The following SMAD3 variants were observed in gnomAD, a reference collection of about 807,000 sequenced individuals.
SMAD3 encodes SMAD family member 3, also known as MAD homolog 3.
Under a neutral mutation model 51.8 loss-of-function variants are expected in SMAD3, and 12 were observed. The ratio of observed to expected loss-of-function variants is 0.23; its 90% CI spans 0.15 to 0.38. The LOEUF is 0.38. Ranked by LOEUF, SMAD3 falls within the 10% of genes least tolerant of loss-of-function variation. The pLI is 1.00. For synonymous variants in SMAD3, 238 were observed against 227.7 expected (o/e 1.05, Z -0.41); for missense variants, 294 against 565.6 (o/e 0.52, Z 4.87).
chr15:67,161,495 G>A (rs1962430696), intron 1 of SMAD3, among the ~76,000 whole-genome samples: 1 of 152,216 alleles, frequency 6.6e-6, no homozygotes, highest in Non-Finnish European at 1.5e-5. Flanking sequence ...TCTTGCAGAG[G>A]AGGCTATGAT....
At chr15:67,087,745 G>T (rs879373044) in intron 1 of SMAD3, among the ~76,000 whole-genome samples, 16 of 152,164 alleles carry the variant, frequency 1.1e-4, no homozygotes, top group Non-Finnish European at 2.1e-4. Flanking sequence ...AAGGTGGTGG[G>T]GGAGGTGGCA....
At chr15:67,068,362 A>T (rs980128253) in intron 1 of SMAD3, among the ~76,000 whole-genome samples, 31 of 152,164 alleles carry the variant, frequency 2.0e-4, no homozygotes, top group Admixed American at 1.8e-3. Flanking sequence ...GGATCTTTGT[A>T]TGTGCGGTTG....
chr15:67,118,792 T>G (rs1426856735), intron 1 of SMAD3, among the ~76,000 whole-genome samples: 2 of 152,244 alleles, frequency 1.3e-5, no homozygotes, highest in Non-Finnish European at 2.9e-5. Flanking sequence ...CATGGTGCCT[T>G]CCTTGGGAAC....
At chr15:67,130,419 T>G (rs182120750) in intron 1 of SMAD3, among the ~76,000 whole-genome samples, 3 of 152,250 alleles carry the variant, frequency 2.0e-5, no homozygotes, top group Non-Finnish European at 4.4e-5. Context: ...GGTGGGCAAG[T>G]GAGCATTACG....
chr15:67,086,268 T>TA (rs1369077104), intron 1 of SMAD3, among the ~76,000 whole-genome samples: 5 of 152,156 alleles, frequency 3.3e-5, no homozygotes, highest in Non-Finnish European at 5.9e-5. Flanking sequence ...GGGTGTGTGT[T>TA]ACTCCCTGCT....
chr15:67,133,442 G>A (rs1240711298), intron 1 of SMAD3, among the ~76,000 whole-genome samples: 1 of 151,934 alleles, frequency 6.6e-6, no homozygotes, highest in South Asian at 2.1e-4. Context: ...TGGGGGATGG[G>A]CTGCGTTTCT....
At chr15:67,130,113 A>G (rs1047189663) in intron 1 of SMAD3, among the ~76,000 whole-genome samples, 3 of 152,212 alleles carry the variant, frequency 2.0e-5, no homozygotes, top group Admixed American at 2.0e-4. Context: ...GTGCTGTGCT[A>G]GATACTCTAC....
In SMAD3 at chr15:67,183,028, TA is replaced by T. The variant is rs59772632; in HGVS notation, c.871+1576del. Among the ~76,000 whole-genome samples, 170 of 63,844 alleles carry T rather than the reference TA, an allele frequency of 2.7e-3. 3 individuals carry two copies. Among genetic ancestry groups the T allele is most frequent in the East Asian group, 0.024 (42 of 1,756 alleles). 41.9% of individuals were successfully genotyped at this position (63,844 alleles called of 152,430 possible). ...ATATATATATATATATATATATATATATATTTTTTTTTTTTTTTTTTTTGGA... is the reference window on the plus strand; with the variant it reads ...ATATATATATATATATATATATATATTATTTTTTTTTTTTTTTTTTTTGGA... On this transcript the variant is annotated intron_variant, in intron 6 of 8. Coordinates refer to ENST00000327367, the MANE Select transcript of SMAD3 (RefSeq NM_005902.4).
intron 8 of SMAD3, among the ~76,000 whole-genome samples, chr15:67,188,630 G>C (rs924293618): frequency 3.9e-5 from 6 of 152,266 alleles, no homozygotes; most frequent in African/African-American, 1.2e-4. Context: ...CCAGCCGCCA[G>C]CTCCTGCGGC....
intron 1 of SMAD3, among the ~76,000 whole-genome samples, chr15:67,078,795 C>T (rs370196319): frequency 3.3e-5 from 5 of 152,138 alleles, no homozygotes; most frequent in East Asian, 1.9e-4. Flanking sequence ...CAACTTACTG[C>T]GGTGGTGACT....
intron 1 of SMAD3, among the ~76,000 whole-genome samples, chr15:67,122,060 T>A (rs1231664520): frequency 1.3e-5 from 2 of 152,232 alleles, no homozygotes; most frequent in African/African-American, 4.8e-5. Context: ...TCAGCTCATA[T>A]AGAGCAGCAC....
intron 6 of SMAD3, among the ~76,000 whole-genome samples, chr15:67,181,792 T>A (rs908821065): frequency 6.8e-5 from 10 of 146,040 alleles, no homozygotes; most frequent in African/African-American, 2.5e-4. Context: ...GAAATCTATT[T>A]TTTTTTTTTT....
At chr15:67,186,363 G>C (rs1039176931) in intron 7 of SMAD3, among the ~76,000 whole-genome samples, 1 of 152,176 alleles carries the variant, frequency 6.6e-6, no homozygotes, top group African/African-American at 2.4e-5. Flanking sequence ...CCCATCTTTT[G>C]GGTGAGGGCT....
intron 1 of SMAD3, among the ~76,000 whole-genome samples, chr15:67,103,590 C>T (rs777093723): frequency 6.6e-6 from 1 of 152,152 alleles, no homozygotes; most frequent in Admixed American, 6.6e-5. Context: ...ACTCACCCTC[C>T]CTGGGCTGCA....
At chr15:67,071,760 C>G (rs1008189596) in intron 1 of SMAD3, among the ~76,000 whole-genome samples, 1 of 152,008 alleles carries the variant, frequency 6.6e-6, no homozygotes, top group African/African-American at 2.4e-5. Flanking sequence ...TGCAGTGAGC[C>G]GAGATCGCGC....
chr15:67,066,102 CGA>C lies in SMAD3; in HGVS notation c.-51_-50del. The C allele has an allele frequency of 5.5e-6, 8 of 1,443,336 alleles. No individual in the cohort carries two copies. The highest frequency in any genetic ancestry group is 7.6e-6 in the Non-Finnish European group (8 of 1,055,302). 89.4% of individuals were successfully genotyped at this position (1,443,336 alleles called of 1,614,324 possible). ...CCCCTCTGCGCCCCCGGCGTCCCGT[CGA>C]GCCCAGCCCCGCCGGGGGCGCTCCT... On this transcript the variant is annotated 5_prime_UTR_variant, in exon 1 of 9. Transcript: ENST00000327367.
intron 1 of SMAD3, among the ~76,000 whole-genome samples, chr15:67,091,399 G>A (rs879509007): frequency 6.6e-5 from 10 of 152,208 alleles, no homozygotes; most frequent in South Asian, 4.1e-4. Context: ...CTAAGGATCC[G>A]GTGTTGCGGT....
chr15:67,066,432 G>A (rs1959920294), intron 1 of SMAD3, 72 bp downstream of exon 1: 2 of 1,258,930 alleles, frequency 1.6e-6, no homozygotes, highest in Non-Finnish European at 2.3e-6. Context: ...CCGACCCAGT[G>A]GGGCTGGAGA....
At chr15:67,152,227 T>C (rs1962166160) in intron 1 of SMAD3, among the ~76,000 whole-genome samples, 1 of 152,230 alleles carries the variant, frequency 6.6e-6, no homozygotes. Context: ...TTTACCTAAA[T>C]ACTCATTTTT....
Sources: gnomAD v4.1 joint callset for allele counts (sites outside exome capture counted in the v4.1 genomes callset) on GRCh38, gnomAD v4.1.1 for gene constraint, MANE v1.5 for transcripts, NCBI Gene and HGNC (gene_info 2026-07-23, HGNC 2026-07-21) for gene names.